The following TBC1D13 variants were observed in gnomAD, a reference collection of about 807,000 sequenced individuals.
The protein encoded by TBC1D13 is epididymis secretory sperm binding protein.
Under a neutral mutation model 53.6 loss-of-function variants are expected in TBC1D13, and 40 were observed. The observed-to-expected ratio is 0.75, with a 90% CI of 0.58 to 0.97. TBC1D13 has a LOEUF of 0.97. Among genes scored for constraint, TBC1D13 ranks in the 50% least tolerant of loss-of-function variants. TBC1D13 has a pLI of 0.00. For missense variants in TBC1D13, 377 were observed against 499.4 expected, an observed-to-expected ratio of 0.75 and a Z score of 2.34; for synonymous variants, 182 against 197.7, an observed-to-expected ratio of 0.92 and a Z score of 0.67.
At chr9:128,805,685 G>C (rs1311900217) in intron 9 of TBC1D13, among the ~76,000 whole-genome samples, 174 bp from the exon 10 acceptor site, 1 of 152,220 alleles carries the variant, frequency 6.6e-6, no homozygotes, top group Admixed American at 6.5e-5. Context: ...GCAGCAAACA[G>C]GCTCCGCCCC....
chr9:128,807,883 G>T lies in TBC1D13; in HGVS notation c.*4G>T. 1 of 1,614,040 alleles carries T rather than the reference G, an allele frequency of 6.2e-7. No individual in the cohort carries two copies. Among genetic ancestry groups the T allele is most frequent in the Non-Finnish European group, 8.5e-7 (1 of 1,179,922 alleles). On this transcript the variant is annotated 3_prime_UTR_variant, in exon 12 of 12. Transcript: ENST00000372648. The stretch of plus-strand genomic sequence containing the variant: ...GGAGCTCCAAGACTCAAAGTAGCCC[G>T]GCGGCAAGAGGCCCATGTTCCGGAG...
chr9:128,808,041 T>C lies in TBC1D13; in HGVS notation c.*162T>C. 1 of 665,568 alleles carries C rather than the reference T, an allele frequency of 1.5e-6. No homozygotes were observed. Among genetic ancestry groups the C allele is most frequent in the Admixed American group, 2.3e-5 (1 of 43,506 alleles). The allele number at this position is 665,568 out of a possible 1,614,324, so 41.2% of individuals were successfully genotyped here. On this transcript the variant is annotated 3_prime_UTR_variant, in exon 12 of 12. Transcript: ENST00000372648. Reference sequence around the variant, plus strand: ...TGGGGACACACTGTGCCGTGCTCCTTCTGCCGCCACGCCCAGCTCCCCACC... The same window carrying C: ...TGGGGACACACTGTGCCGTGCTCCTCCTGCCGCCACGCCCAGCTCCCCACC...
intron 2 of TBC1D13, among the ~76,000 whole-genome samples, chr9:128,789,239 C>G (rs1829484069): frequency 7.1e-6 from 1 of 140,362 alleles, no homozygotes; most frequent in Admixed American, 8.1e-5. Flanking sequence ...AGGAAAATCA[C>G]TTGAACCTGG....
intron 10 of TBC1D13, 44 bp downstream of exon 10, chr9:128,806,063 T>C: frequency 6.2e-7 from 1 of 1,601,900 alleles, no homozygotes; most frequent in Non-Finnish European, 8.5e-7. Flanking sequence ...TGGGCAGTCC[T>C]TGGAGAAGCC....
chr9:128,791,476 C>T (rs1260502108), intron 4 of TBC1D13, 35 bp downstream of exon 4: 2 of 1,612,738 alleles, frequency 1.2e-6, no homozygotes, highest in African/African-American at 1.3e-5. Context: ...ACAGGAGGGC[C>T]CTTGCATGTG....
intron 6 of TBC1D13, among the ~76,000 whole-genome samples, chr9:128,794,411 C>T (rs1449487008): frequency 4.6e-5 from 7 of 152,202 alleles, no homozygotes; most frequent in Non-Finnish European, 8.8e-5. Flanking sequence ...GTGTTCAAGT[C>T]AAGAACCACT....
At chr9:128,790,814 G>A (rs1829519154) in intron 3 of TBC1D13, 39 bp downstream of exon 3, 1 of 1,554,082 alleles carries the variant, frequency 6.4e-7, no homozygotes. Context: ...TCTGCTGAGA[G>A]TCCCTGGGTT....
chr9:128,791,542 G>T lies in TBC1D13; in HGVS notation c.201-52G>T, dbSNP rs182353416. 9 of 1,611,392 alleles carry T rather than the reference G, an allele frequency of 5.6e-6. No homozygotes were observed. The East Asian group carries it at 2.0e-4, about 36-fold the overall frequency. On this transcript the variant is annotated intron_variant, in intron 4 of 11. Transcript: ENST00000372648. ...CTCCTGCGGCTGCTGCTCTGCTCTG[G>T]GCTCCCTGGGCAGGACCGTTGGGAA...
chr9:128,788,323 T>A lies in TBC1D13; in HGVS notation c.24-11T>A. The A allele has an allele frequency of 8.1e-6, 13 of 1,613,738 alleles. No individual in the cohort carries two copies. Among genetic ancestry groups the A allele is most frequent in the Non-Finnish European group, 1.1e-5 (13 of 1,179,708 alleles). On this transcript the variant is annotated splice_polypyrimidine_tract_variant and intron_variant, in intron 1 of 11. Coordinates refer to ENST00000372648, the MANE Select transcript of TBC1D13 (RefSeq NM_018201.5). ...AGCATGCTTCATTTGCCGCCCTATC[T>A]CCCCTTCCAGAATTGCAGATTTCCA...
chr9:128,803,140 A>C (rs1829766295), intron 7 of TBC1D13, 110 bp from the exon 8 acceptor site: 10 of 934,982 alleles, frequency 1.1e-5, no homozygotes, highest in Non-Finnish European at 1.7e-5. Flanking sequence ...TGCAGCCTCG[A>C]CCACTGGGGC....
At chr9:128,787,446 G>C (rs1829441348) in intron 1 of TBC1D13, 70 bp downstream of exon 1, 2 of 1,242,534 alleles carry the variant, frequency 1.6e-6, no homozygotes, top group East Asian at 3.2e-5. Context: ...CCCTCAGAAG[G>C]GGGAAGCGCG....
intron 6 of TBC1D13, among the ~76,000 whole-genome samples, chr9:128,795,813 G>A (rs946157499): frequency 6.6e-6 from 1 of 151,696 alleles, no homozygotes; most frequent in Non-Finnish European, 1.5e-5. Context: ...GGCTGGTCTT[G>A]AACTCCTGGG....
At position 128,801,837 on chromosome 9, in the gene TBC1D13, C is replaced by G. The variant is rs943361120; in HGVS notation, c.544-1413C>G. On this transcript the variant is annotated intron_variant, in intron 7 of 11. Transcript: ENST00000372648. The stretch of plus-strand genomic sequence containing the variant: ...AGTGCAGTGGCACGATCTCCACTTA[C>G]TGCAAACTCCGCCTCCTGGGTTCAT... Among the ~76,000 whole-genome samples, 17 of 150,842 alleles carry G rather than the reference C, an allele frequency of 1.1e-4. 1 individual carries two copies. Among genetic ancestry groups the G allele is most frequent in the Admixed American group, 2.6e-4 (4 of 15,190 alleles).
chr9:128,797,334 A>G (rs1172676653), intron 7 of TBC1D13, 120 bp downstream of exon 7: 1 of 1,060,958 alleles, frequency 9.4e-7, no homozygotes, highest in Non-Finnish European at 1.3e-6. Flanking sequence ...TACTCAGCGC[A>G]ATCCTGATGC....
chr9:128,799,951 G>A (rs1343661216), intron 7 of TBC1D13, among the ~76,000 whole-genome samples: 4 of 152,352 alleles, frequency 2.6e-5, no homozygotes, highest in Non-Finnish European at 2.9e-5. Context: ...AACCCGGGAG[G>A]CAGAGCTTGC....
At chr9:128,792,390 G>A in intron 5 of TBC1D13, 102 bp from the exon 6 acceptor site, 1 of 967,370 alleles carries the variant, frequency 1.0e-6, no homozygotes, top group Non-Finnish European at 1.6e-6. Context: ...TCAGTGTGCA[G>A]TGGGATTGTT....
intron 1 of TBC1D13, among the ~76,000 whole-genome samples, chr9:128,787,763 C>A (rs1829455661): frequency 6.6e-6 from 1 of 151,478 alleles, no homozygotes; most frequent in African/African-American, 2.4e-5. Flanking sequence ...CTTGCATTCT[C>A]CAGTCTGGCC....
intron 6 of TBC1D13, among the ~76,000 whole-genome samples, chr9:128,796,209 C>T (rs551189850): frequency 6.6e-6 from 1 of 152,000 alleles, no homozygotes. Context: ...TGTCAGCCTC[C>T]CCAGTAGTTG....
At chr9:128,801,548 G>C (rs886855092) in intron 7 of TBC1D13, among the ~76,000 whole-genome samples, 1 of 151,712 alleles carries the variant, frequency 6.6e-6, no homozygotes, top group African/African-American at 2.4e-5. Flanking sequence ...GCATGGTGGT[G>C]GGTGCCTGTA....
Sources: gnomAD v4.1 joint callset for allele counts (sites outside exome capture counted in the v4.1 genomes callset) on GRCh38, gnomAD v4.1.1 for gene constraint, MANE v1.5 for transcripts, NCBI Gene and HGNC (gene_info 2026-07-23, HGNC 2026-07-21) for gene names.